Variants in CEP135 observed in about 807,000 individuals in gnomAD.
The protein encoded by CEP135 is centrosomal protein of 135 kDa.
A neutral mutation model predicts 157.3 loss-of-function variants in CEP135; 142 were observed. The observed-to-expected ratio is 0.90, with a 90% CI of 0.79 to 1.04. The LOEUF is 1.04. Among genes scored for constraint, CEP135 ranks in the 50% least tolerant of loss-of-function variants. The pLI is 0.00. For missense variants in CEP135, 1,317 were observed against 1,309.2 expected, an observed-to-expected ratio of 1.01 and a Z score of -0.09; for synonymous variants, 396 against 439.8, an observed-to-expected ratio of 0.90 and a Z score of 1.25.
At position 56,023,484 on chromosome 4, in the gene CEP135, G is replaced by A. The variant is rs921565922; in HGVS notation, c.3321-1017G>A. On this transcript the variant is annotated intron_variant, in intron 24 of 25. Transcript: ENST00000257287. ...ATAAAGAAGAAAATTAAATTTATCT[G>A]TAAGTTCTACCCTCCATAGTCACCA... Among the ~76,000 whole-genome samples, 20 of 151,576 alleles carry A rather than the reference G, an allele frequency of 1.3e-4. 1 individual carries two copies. The highest frequency in any genetic ancestry group is 2.9e-4 in the Non-Finnish European group (20 of 67,920).
chr4:56,000,950 CTG>C (rs1447446439), intron 17 of CEP135, among the ~76,000 whole-genome samples: 5 of 152,154 alleles, frequency 3.3e-5, no homozygotes, highest in Admixed American at 6.5e-5. Context: ...AGCATTCTAA[CTG>C]GGGTGAGACG....
intron 25 of CEP135, among the ~76,000 whole-genome samples, chr4:56,029,629 G>A (rs1430365039): frequency 6.6e-6 from 1 of 151,994 alleles, no homozygotes; most frequent in East Asian, 1.9e-4. Context: ...AAACCTAGAT[G>A]GTATATAGCC....
At position 56,016,577 on chromosome 4, in the gene CEP135, G is replaced by T. The variant is rs562315012; in HGVS notation, c.2803-1071G>T. ...ACTAAAGTATTATATTTGTTTAGGGGAGCTTTTATTAATGCACTAAAAAAT... is the reference window on the plus strand; with the variant it reads ...ACTAAAGTATTATATTTGTTTAGGGTAGCTTTTATTAATGCACTAAAAAAT... On this transcript the variant is annotated intron_variant, in intron 21 of 25. Transcript: ENST00000257287. Among the ~76,000 whole-genome samples, 520 of 152,196 alleles carry T rather than the reference G, an allele frequency of 3.4e-3. 3 individuals are homozygous for T. The highest frequency in any genetic ancestry group is 5.7e-3 in the Non-Finnish European group (387 of 68,000).
At chr4:56,020,867 A>G in intron 24 of CEP135, 87 bp downstream of exon 24, 1 of 990,824 alleles carries the variant, frequency 1.0e-6, no homozygotes, top group Non-Finnish European at 1.5e-6. Flanking sequence ...TTTACAAATA[A>G]CAAACTTTTT....
rs1322730567 is a variant in CEP135 at position 55,989,024 on chromosome 4, T to G, written c.1858-2910T>G. Among the ~76,000 whole-genome samples the G allele has an allele frequency of 4.0e-5, 6 of 150,860 alleles. No homozygotes were observed. The East Asian group carries it at 5.9e-4, about 15-fold the overall frequency. On this transcript the variant is annotated intron_variant, in intron 14 of 25. Coordinates refer to ENST00000257287, the MANE Select transcript of CEP135 (RefSeq NM_025009.5). ...ATTGGGAGAGACTGATCAAACCCAG[T>G]AGAGAGCAAACCCACAAATGTAAGA...
At chr4:55,961,764 T>TAAAAA (rs564116620) in intron 6 of CEP135, among the ~76,000 whole-genome samples, 673 of 54,164 alleles carry the variant, frequency 0.012, 41 homozygotes, top group East Asian at 0.059. Context: ...AAACTCTGTC[T>TAAAAA]AAAAAAAAAA....
chr4:55,991,092 C>T (rs529471854), intron 14 of CEP135, among the ~76,000 whole-genome samples: 13 of 152,058 alleles, frequency 8.5e-5, no homozygotes, highest in Non-Finnish European at 1.8e-4. Flanking sequence ...TCTCCTGCCT[C>T]GGCCTCCCAA....
At chr4:55,982,338 A>G (rs1394133651) in intron 13 of CEP135, among the ~76,000 whole-genome samples, 2 of 152,188 alleles carry the variant, frequency 1.3e-5, no homozygotes, top group Non-Finnish European at 2.9e-5. Context: ...ATTCCTGGTC[A>G]TATGGTAAGT....
chr4:56,023,892 TATATATA>T (rs894460154), intron 24 of CEP135, among the ~76,000 whole-genome samples: 5 of 139,360 alleles, frequency 3.6e-5, no homozygotes, highest in Non-Finnish European at 6.1e-5. Context: ...TATAATGTAA[TATATATA>T]ATATATATTA....
chr4:56,022,354 C>T (rs1730999398), intron 24 of CEP135, among the ~76,000 whole-genome samples: 1 of 152,050 alleles, frequency 6.6e-6, no homozygotes, highest in South Asian at 2.1e-4. Flanking sequence ...CAGTATTACC[C>T]ACCATCCTCC....
At chr4:55,949,630 A>G (rs932619559) in intron 1 of CEP135, among the ~76,000 whole-genome samples, 2 of 152,214 alleles carry the variant, frequency 1.3e-5, no homozygotes, top group Admixed American at 6.5e-5. Flanking sequence ...ACATACATAC[A>G]GCATTAAATG....
intron 2 of CEP135, 88 bp downstream of exon 2, chr4:55,952,331 G>A (rs1728381841): frequency 1.3e-6 from 1 of 788,284 alleles, no homozygotes; most frequent in Non-Finnish European, 2.1e-6. Context: ...GTAAAGAAAA[G>A]GGTAGCTTTC....
At position 55,954,402 on chromosome 4, in the gene CEP135, G is replaced by C. The variant is rs371418852; in HGVS notation, c.472+19G>C. 1.5e-5 allele frequency: 24 copies of C among 1,572,660 alleles called. No homozygotes were observed. Among genetic ancestry groups the C allele is most frequent in the Non-Finnish European group, 2.1e-5 (24 of 1,163,576 alleles). On this transcript the variant is annotated intron_variant, in intron 4 of 25. Transcript: ENST00000257287. ...ACTCCAGGTAAATCGATTCCTTCTC[G>C]AGACAAATTATACACATTTAATCTT... is the stretch of plus-strand genomic sequence containing the variant.
intron 15 of CEP135, among the ~76,000 whole-genome samples, chr4:55,993,415 A>C (rs1045762783): frequency 1.3e-4 from 20 of 152,354 alleles, no homozygotes; most frequent in African/African-American, 4.6e-4. Context: ...TTAATTAAGG[A>C]ATACTATATT....
intron 21 of CEP135, among the ~76,000 whole-genome samples, chr4:56,015,007 A>T (rs1730722548): frequency 6.6e-6 from 1 of 152,104 alleles, no homozygotes; most frequent in Non-Finnish European, 1.5e-5. Flanking sequence ...ATGCCACTGC[A>T]CTCCAGCCTG....
At chr4:55,954,779 T>C (rs780906390) in intron 4 of CEP135, among the ~76,000 whole-genome samples, 3 of 152,162 alleles carry the variant, frequency 2.0e-5, no homozygotes, top group Non-Finnish European at 2.9e-5. Context: ...TTAGTAGTTA[T>C]AGAGCAAGAA....
chr4:55,968,374 GT>G (rs34188517), intron 8 of CEP135, among the ~76,000 whole-genome samples: 42,275 of 130,366 alleles, frequency 0.32, 4,840 homozygotes, highest in African/African-American at 0.36. Context: ...TCCCAGTGGT[GT>G]TTTTTTTTTT....
intron 17 of CEP135, among the ~76,000 whole-genome samples, chr4:56,007,528 G>A (rs181425183): frequency 2.3e-4 from 35 of 152,312 alleles, no homozygotes; most frequent in Admixed American, 2.2e-3. Context: ...CCAGGGATGA[G>A]GAGGTAGTCC....
intron 24 of CEP135, among the ~76,000 whole-genome samples, chr4:56,023,775 T>TA (rs1731055226): frequency 7.0e-6 from 1 of 141,868 alleles, no homozygotes; most frequent in African/African-American, 2.6e-5. Context: ...ATATAGTATA[T>TA]TGTATTTTAT....
Sources: gnomAD v4.1 joint callset for allele counts (sites outside exome capture counted in the v4.1 genomes callset) on GRCh38, gnomAD v4.1.1 for gene constraint, MANE v1.5 for transcripts, NCBI Gene and HGNC (gene_info 2026-07-23, HGNC 2026-07-21) for gene names.